Variants in NCOA7 observed in about 807,000 individuals in gnomAD.
NCOA7 encodes nuclear receptor coactivator 7.
Under a neutral mutation model 104.3 loss-of-function variants are expected in NCOA7, and 45 were observed. That is an observed-to-expected ratio of 0.43 (90% CI 0.34 to 0.55). The LOEUF (loss-of-function observed/expected upper bound fraction) is 0.55, where lower values mean the gene tolerates loss of function less well. Ranked by LOEUF, NCOA7 falls within the 20% of genes least tolerant of loss-of-function variation. NCOA7 has a pLI of 0.02. For synonymous variants in NCOA7, 398 were observed against 402.3 expected (o/e 0.99, Z 0.13); for missense variants, 1,041 against 1,119.7 (o/e 0.93, Z 1.00).
intron 9 of NCOA7, among the ~76,000 whole-genome samples, chr6:125,890,212 C>G (rs1431869220): frequency 6.6e-6 from 1 of 152,174 alleles, no homozygotes; most frequent in African/African-American, 2.4e-5. Context: ...AAGTCGTTTA[C>G]TTTTAATCTT....
At chr6:125,792,626 A>G (rs1420119201) in intron 1 of NCOA7, among the ~76,000 whole-genome samples, 1 of 152,200 alleles carries the variant, frequency 6.6e-6, no homozygotes, top group Non-Finnish European at 1.5e-5. Flanking sequence ...TGATTCTTAA[A>G]TGATTCAAAA....
intron 3 of NCOA7, among the ~76,000 whole-genome samples, chr6:125,861,144 G>C (rs754365672): frequency 3.3e-5 from 5 of 152,028 alleles, no homozygotes; most frequent in Non-Finnish European, 5.9e-5. Flanking sequence ...GAACTCAAAA[G>C]AAACTTAAAA....
chr6:125,830,972 T>C (rs545743372), intron 2 of NCOA7, among the ~76,000 whole-genome samples: 1 of 152,188 alleles, frequency 6.6e-6, no homozygotes, highest in South Asian at 2.1e-4. Flanking sequence ...ACATTGAACA[T>C]ATTTTCTGCC....
chr6:125,805,992 C>T (rs1287013686), intron 1 of NCOA7, among the ~76,000 whole-genome samples: 1 of 152,174 alleles, frequency 6.6e-6, no homozygotes, highest in East Asian at 1.9e-4. Context: ...TTACCCAAGG[C>T]TACATACCTT....
Position 125,931,558 on chromosome 6 carries a change from AC to A in NCOA7, c.*2788del, listed in dbSNP as rs1788466545. On this transcript the variant is annotated 3_prime_UTR_variant, in exon 16 of 16. Transcript: ENST00000392477. ...TCAGTTCATAAGTCCATATCAAAGGACTTGGGTGGGAGGAGGCAACCAAATG... is the reference window on the plus strand; with the variant it reads ...TCAGTTCATAAGTCCATATCAAAGGATTGGGTGGGAGGAGGCAACCAAATG... 6.6e-6 allele frequency: 1 copy of A among 152,126 alleles called. No homozygotes were observed. The highest frequency in any genetic ancestry group is 1.5e-5 in the Non-Finnish European group (1 of 68,032). 9.4% of individuals were successfully genotyped at this position (152,126 alleles called of 1,614,324 possible).
intron 10 of NCOA7, among the ~76,000 whole-genome samples, chr6:125,905,758 T>TA (rs937973851): frequency 1.3e-5 from 2 of 152,160 alleles, no homozygotes; most frequent in African/African-American, 4.8e-5. Flanking sequence ...ACTTTGGGAA[T>TA]AAATAAAATC....
intron 2 of NCOA7, among the ~76,000 whole-genome samples, chr6:125,842,227 A>T (rs905795207): frequency 6.6e-6 from 1 of 152,138 alleles, no homozygotes; most frequent in Non-Finnish European, 1.5e-5. Flanking sequence ...TTTAGCCCTT[A>T]TTTCCCTCAA....
rs1390672353 is a variant in NCOA7 at position 125,882,407 on chromosome 6, A to G, written c.574-19A>G. 6.2e-7 allele frequency: 1 copy of G among 1,608,450 alleles called. No individual in the cohort carries two copies. Among genetic ancestry groups the G allele is most frequent in the Non-Finnish European group, 8.5e-7 (1 of 1,178,514 alleles). On this transcript the variant is annotated intron_variant, in intron 6 of 15. Coordinates refer to ENST00000392477, the MANE Select transcript of NCOA7 (RefSeq NM_181782.5). ...GAAAAGTGCTTTTATTTGATTTTGA[A>G]ATTTTTTGCTTTCACAAGGATGCTG...
intron 3 of NCOA7, among the ~76,000 whole-genome samples, chr6:125,855,940 G>A (rs1464199173): frequency 6.6e-6 from 1 of 152,028 alleles, no homozygotes; most frequent in Non-Finnish European, 1.5e-5. Context: ...AATCTTAAAG[G>A]GAATCTTGAA....
chr6:125,908,556 C>T (rs1165037098), intron 10 of NCOA7, among the ~76,000 whole-genome samples: 2 of 152,196 alleles, frequency 1.3e-5, no homozygotes, highest in East Asian at 1.9e-4. Context: ...TTGAGATCTT[C>T]AAAAGAGATG....
At chr6:125,900,038 A>G (rs754223001) in intron 10 of NCOA7, 1 of 533,252 alleles carries the variant, frequency 1.9e-6, no homozygotes, top group Non-Finnish European at 3.8e-6. Flanking sequence ...ATGCAGAAAC[A>G]GTAATGATTG....
intron 7 of NCOA7, among the ~76,000 whole-genome samples, chr6:125,883,978 C>G (rs958359777): frequency 7.9e-5 from 12 of 152,190 alleles, no homozygotes; most frequent in Non-Finnish European, 4.4e-5. Flanking sequence ...CTTGGCCTCC[C>G]AAAGTGTTGG....
At chr6:125,824,775 C>G (rs928792645) in intron 2 of NCOA7, among the ~76,000 whole-genome samples, 5 of 152,010 alleles carry the variant, frequency 3.3e-5, no homozygotes, top group Non-Finnish European at 5.9e-5. Flanking sequence ...TTTTTTCTCC[C>G]TGAGACGGAG....
chr6:125,802,165 T>C (rs1380119375), intron 1 of NCOA7: 1 of 152,200 alleles, frequency 6.6e-6, no homozygotes, highest in Non-Finnish European at 1.5e-5. Flanking sequence ...CTATGTGGTT[T>C]TGATCTTTCT....
intron 10 of NCOA7, among the ~76,000 whole-genome samples, chr6:125,903,890 T>G (rs756826274): frequency 6.6e-6 from 1 of 152,074 alleles, no homozygotes; most frequent in African/African-American, 2.4e-5. Context: ...CTAATTTTAG[T>G]AGATACAGGG....
rs1485203843 is a variant in NCOA7, at chr6:125,809,869, A to G, written c.-64-5422A>G. ...TCTAGTCCTGACTTGTTATACTTGA[A>G]TATTCAAGGAACTGCAGTGTGTTGG... On this transcript the variant is annotated intron_variant, in intron 1 of 15. Coordinates refer to ENST00000392477, the MANE Select transcript of NCOA7 (RefSeq NM_181782.5). Among the ~76,000 whole-genome samples the G allele has an allele frequency of 2.8e-4, 42 of 152,314 alleles. 1 individual carries two copies. Among genetic ancestry groups the G allele is most frequent in the Admixed American group, 2.7e-3 (41 of 15,302 alleles).
chr6:125,900,996 T>A (rs1785453956), intron 10 of NCOA7, among the ~76,000 whole-genome samples: 1 of 152,226 alleles, frequency 6.6e-6, no homozygotes, highest in Non-Finnish European at 1.5e-5. Context: ...TGGTGAAAAC[T>A]GCTTTGCCCT....
In NCOA7 at chr6:125,862,585, G is replaced by C. The variant is rs1220761335; in HGVS notation, c.271+7345G>C. Among the ~76,000 whole-genome samples, 2 of 138,308 alleles carry C rather than the reference G, an allele frequency of 1.4e-5. 1 individual carries two copies. The highest frequency in any genetic ancestry group is 3.1e-5 in the Non-Finnish European group (2 of 64,962). The allele number at this position is 138,308 out of a possible 152,430, so 90.7% of individuals were successfully genotyped here. The stretch of plus-strand genomic sequence containing the variant: ...GTGAATGGCATTTTTGCCACTGTGG[G>C]CTTCAGTGGACTGTTGCTGCTTTTT... On this transcript the variant is annotated intron_variant, in intron 3 of 15. Transcript: ENST00000392477.
chr6:125,849,478 C>T (rs900649409), intron 2 of NCOA7, among the ~76,000 whole-genome samples: 3 of 152,220 alleles, frequency 2.0e-5, no homozygotes, highest in African/African-American at 7.2e-5. Context: ...TTGGCTTTCA[C>T]CTTGCCTTCC....
Sources: allele counts gnomAD v4.1 joint callset (sites outside exome capture counted in the v4.1 genomes callset), GRCh38; gene constraint gnomAD v4.1.1; transcripts MANE v1.5; gene names NCBI Gene and HGNC (gene_info 2026-07-23, HGNC 2026-07-21).